The following NELL1 variants were observed in gnomAD, a reference collection of about 807,000 sequenced individuals.
NELL1 encodes the protein neural EGFL like 1.
In NELL1, 76 loss-of-function variants were observed where a neutral mutation model predicts 107.4. The ratio of observed to expected loss-of-function variants is 0.71; its 90% CI spans 0.59 to 0.86. The LOEUF (loss-of-function observed/expected upper bound fraction) is 0.86. NELL1 is among the 40% of genes least tolerant of loss of function. NELL1 has a pLI of 0.00. For synonymous variants in NELL1, 353 were observed against 341.2 expected, an observed-to-expected ratio of 1.03 and a Z score of -0.38; for missense variants, 1,024 against 1,005.5, an observed-to-expected ratio of 1.02 and a Z score of -0.25.
chr11:20,978,394 C>A (rs1851683100), intron 12 of NELL1, among the ~76,000 whole-genome samples: 1 of 151,920 alleles, frequency 6.6e-6, no homozygotes, highest in African/African-American at 2.4e-5. Flanking sequence ...AAATAAATGA[C>A]ATGCCTTCAA....
At chr11:20,933,176 G>A (rs1850653237) in intron 9 of NELL1, among the ~76,000 whole-genome samples, 1 of 152,226 alleles carries the variant, frequency 6.6e-6, no homozygotes, top group African/African-American at 2.4e-5. Flanking sequence ...TGGGACTTGG[G>A]CATATTCCAG....
chr11:20,851,353 G>C (rs1848792215), intron 4 of NELL1, among the ~76,000 whole-genome samples: 1 of 152,120 alleles, frequency 6.6e-6, no homozygotes, highest in Non-Finnish European at 1.5e-5. Context: ...GTTTAGCTGG[G>C]CTTAGTTAGA....
intron 14 of NELL1, among the ~76,000 whole-genome samples, chr11:21,321,849 G>A (rs1590835352): frequency 6.6e-6 from 1 of 152,230 alleles, no homozygotes; most frequent in Non-Finnish European, 1.5e-5. Context: ...AAAGTGGGCA[G>A]GGCTCTGCCC....
At chr11:20,837,323 G>A (rs983837334) in intron 3 of NELL1, among the ~76,000 whole-genome samples, 33 of 152,076 alleles carry the variant, frequency 2.2e-4, no homozygotes, top group Non-Finnish European at 4.3e-4. Flanking sequence ...TAGAGTTTAA[G>A]ACATCAGTAT....
At chr11:20,995,732 T>G (rs1852077264) in intron 12 of NELL1, among the ~76,000 whole-genome samples, 1 of 152,172 alleles carries the variant, frequency 6.6e-6, no homozygotes, top group Admixed American at 6.5e-5. Flanking sequence ...AATCAACACA[T>G]ATTTATGTGC....
At chr11:21,116,081 C>T (rs1409588961) in intron 13 of NELL1, among the ~76,000 whole-genome samples, 1 of 151,994 alleles carries the variant, frequency 6.6e-6, no homozygotes, top group Non-Finnish European at 1.5e-5. Flanking sequence ...TCCAGTCAGA[C>T]TTCCATACTC....
chr11:21,538,229 T>C (rs2133975233), intron 16 of NELL1, among the ~76,000 whole-genome samples: 1 of 152,284 alleles, frequency 6.6e-6, no homozygotes, highest in Admixed American at 6.5e-5. Context: ...AAGAATAGTC[T>C]CATGTCACTC....
At chr11:21,301,650 T>C (rs1416720842) in intron 14 of NELL1, among the ~76,000 whole-genome samples, 3 of 152,134 alleles carry the variant, frequency 2.0e-5, no homozygotes, top group African/African-American at 7.2e-5. Context: ...TATTATCCCT[T>C]TGTCAGATGG....
intron 15 of NELL1, among the ~76,000 whole-genome samples, chr11:21,386,626 C>T (rs995443224): frequency 1.3e-5 from 2 of 151,882 alleles, no homozygotes; most frequent in African/African-American, 4.8e-5. Flanking sequence ...TTTAAATCTA[C>T]TGTCAGCAAA....
At chr11:20,989,260 G>T (rs1851920288) in intron 12 of NELL1, among the ~76,000 whole-genome samples, 1 of 152,154 alleles carries the variant, frequency 6.6e-6, no homozygotes, top group Admixed American at 6.5e-5. Flanking sequence ...CTGAATAGGG[G>T]CTTCTATCCC....
intron 12 of NELL1, among the ~76,000 whole-genome samples, chr11:21,012,609 G>C (rs1333186060): frequency 6.6e-6 from 1 of 152,124 alleles, no homozygotes; most frequent in Admixed American, 6.5e-5. Context: ...TGAGGCTGGA[G>C]TTTTATTATT....
At chr11:20,885,800 C>G (rs1480123829) in intron 5 of NELL1, among the ~76,000 whole-genome samples, 1 of 152,162 alleles carries the variant, frequency 6.6e-6, no homozygotes, top group East Asian at 1.9e-4. Flanking sequence ...CCAAGGTTAT[C>G]CAGTTCACTC....
Position 21,219,732 on chromosome 11 carries a change from G to T in NELL1, c.1427-9600G>T, listed in dbSNP as rs75907842. On this transcript the variant is annotated intron_variant, in intron 13 of 19. Transcript: ENST00000357134. ...TTTCCCAGCATCATTTAAGGAAGAG[G>T]TTGTCCTTTCTCCAATGTAAGTTGC... Among the ~76,000 whole-genome samples the T allele has an allele frequency of 3.4e-3, 512 of 152,250 alleles. 2 individuals are homozygous for T. Among genetic ancestry groups the T allele is most frequent in the African/African-American group, 0.011 (463 of 41,536 alleles).
At chr11:20,881,808 T>A (rs1195695992) in intron 4 of NELL1, among the ~76,000 whole-genome samples, 1 of 152,128 alleles carries the variant, frequency 6.6e-6, no homozygotes, top group Non-Finnish European at 1.5e-5. Context: ...AGGCATTAGA[T>A]CTAAAGACAA....
At chr11:21,191,114 T>C (rs939716090) in intron 13 of NELL1, among the ~76,000 whole-genome samples, 1 of 151,762 alleles carries the variant, frequency 6.6e-6, no homozygotes, top group Non-Finnish European at 1.5e-5. Flanking sequence ...TTTCCATATA[T>C]GAATCCCTAA....
chr11:20,773,559 G>T (rs143057618), intron 2 of NELL1: 1 of 150,804 alleles, frequency 6.6e-6, no homozygotes, highest in African/African-American at 2.4e-5. Context: ...GTGCAGTGGC[G>T]CCACCTTGGC....
At chr11:21,571,763 G>A (rs1382464538) in intron 18 of NELL1, among the ~76,000 whole-genome samples, 1 of 151,814 alleles carries the variant, frequency 6.6e-6, no homozygotes, top group Non-Finnish European at 1.5e-5. Context: ...AAGATTTCTA[G>A]CAGTGGGAAG....
chr11:21,452,694 C>T (rs573481526), intron 15 of NELL1, among the ~76,000 whole-genome samples: 1 of 151,964 alleles, frequency 6.6e-6, no homozygotes, highest in African/African-American at 2.4e-5. Context: ...TATTTCCTTC[C>T]TACAGTGTAC....
At chr11:21,549,133 G>A (rs1856514807) in intron 16 of NELL1, among the ~76,000 whole-genome samples, 1 of 151,692 alleles carries the variant, frequency 6.6e-6, no homozygotes, top group African/African-American at 2.4e-5. Context: ...TTTTGCCATG[G>A]AGATAACTTT....
Sources: gnomAD v4.1 joint callset for allele counts (sites outside exome capture counted in the v4.1 genomes callset) on GRCh38, gnomAD v4.1.1 for gene constraint, MANE v1.5 for transcripts, NCBI Gene and HGNC (gene_info 2026-07-23, HGNC 2026-07-21) for gene names.